The following ANKS1B variants were observed in gnomAD, a reference collection of about 807,000 sequenced individuals.
ANKS1B encodes the protein ankyrin repeat and sterile alpha motif domain-containing protein 1B.
In ANKS1B, 36 loss-of-function variants were observed where a neutral mutation model predicts 148.3. The ratio of observed to expected loss-of-function variants is 0.24; its 90% confidence interval spans 0.19 to 0.32. ANKS1B has a LOEUF of 0.32. Among genes scored for constraint, ANKS1B ranks in the 10% least tolerant of loss-of-function variants. ANKS1B has a pLI of 1.00. For synonymous variants in ANKS1B, 542 were observed against 560.8 expected (o/e 0.97, Z 0.47); for missense variants, 1,157 against 1,542.6 (o/e 0.75, Z 4.19).
At chr12:99,793,830 T>C (rs1332257768) in intron 4 of ANKS1B, among the ~76,000 whole-genome samples, 2 of 151,952 alleles carry the variant, frequency 1.3e-5, no homozygotes, top group South Asian at 2.1e-4. Context: ...TGGGATCATA[T>C]CAAGTTAAAA....
intron 9 of ANKS1B, among the ~76,000 whole-genome samples, chr12:99,618,294 C>G (rs537180571): frequency 1.3e-5 from 2 of 152,272 alleles, no homozygotes; most frequent in African/African-American, 4.8e-5. Flanking sequence ...TTATAGATGA[C>G]ATAACCAAAT....
At chr12:99,195,364 A>G (rs2081265700) in intron 14 of ANKS1B, among the ~76,000 whole-genome samples, 1 of 152,168 alleles carries the variant, frequency 6.6e-6, no homozygotes, top group Non-Finnish European at 1.5e-5. Flanking sequence ...TGGATTTCTA[A>G]TAACTGAATG....
chr12:99,891,515 C>T (rs761362417), intron 1 of ANKS1B, among the ~76,000 whole-genome samples: 38 of 152,166 alleles, frequency 2.5e-4, no homozygotes, highest in African/African-American at 7.9e-4. Context: ...CCACCATGCC[C>T]GGCCCTCGTT....
chr12:99,263,778 A>C (rs916669245), intron 12 of ANKS1B, among the ~76,000 whole-genome samples: 5 of 152,142 alleles, frequency 3.3e-5, no homozygotes. Context: ...CATGAAAGAC[A>C]TGCTTGCTTC....
At chr12:99,968,150 C>T (rs1405406680) in intron 1 of ANKS1B, among the ~76,000 whole-genome samples, 1 of 152,054 alleles carries the variant, frequency 6.6e-6, no homozygotes, top group African/African-American at 2.4e-5. Flanking sequence ...TGCCTGGTTC[C>T]CCAGTTTTCC....
chr12:99,514,935 C>T (rs1171166398), intron 9 of ANKS1B, among the ~76,000 whole-genome samples: 1 of 151,926 alleles, frequency 6.6e-6, no homozygotes, highest in South Asian at 2.1e-4. Flanking sequence ...TCAATTTTCT[C>T]CAGTCTAGCA....
At chr12:99,573,555 G>A (rs2097484536) in intron 9 of ANKS1B, among the ~76,000 whole-genome samples, 1 of 151,874 alleles carries the variant, frequency 6.6e-6, no homozygotes. Flanking sequence ...TCCTAACCAT[G>A]GCTAAATCTA....
In ANKS1B at chr12:99,845,325, C is replaced by A. The variant is rs998346428; in HGVS notation, c.135-19936G>T. 2.6e-5 allele frequency among the ~76,000 whole-genome samples: 4 copies of A among 152,112 alleles called. No homozygotes were observed. The East Asian group carries it at 7.7e-4, about 29-fold the overall frequency. The stretch of plus-strand genomic sequence containing the variant: ...TGCTGGTTTCCAAGGGGAATTCTTC[C>A]AGCTTTTGCTCACTCAGTATAATAT... On this transcript the variant is annotated intron_variant, in intron 1 of 26. Transcript: ENST00000683438.
intron 12 of ANKS1B, among the ~76,000 whole-genome samples, chr12:99,284,694 G>A (rs960064803): frequency 4.6e-5 from 7 of 152,064 alleles, no homozygotes; most frequent in Middle Eastern, 3.4e-3. Flanking sequence ...GGAATAATCC[G>A]ACTAAAATGT....
chr12:99,375,039 T>C (rs1307085524), intron 12 of ANKS1B, among the ~76,000 whole-genome samples: 3 of 152,240 alleles, frequency 2.0e-5, no homozygotes, highest in African/African-American at 7.2e-5. Context: ...TCAAGTCCAC[T>C]TGGAGTCTAT....
At chr12:99,160,072 A>G (rs1243035630) in intron 14 of ANKS1B, among the ~76,000 whole-genome samples, 1 of 151,926 alleles carries the variant, frequency 6.6e-6, no homozygotes, top group African/African-American at 2.4e-5. Context: ...TAATGTGGTT[A>G]TTTATTTTTA....
intron 1 of ANKS1B, among the ~76,000 whole-genome samples, chr12:99,952,487 T>C (rs1214668296): frequency 1.3e-5 from 2 of 152,236 alleles, no homozygotes; most frequent in Non-Finnish European, 2.9e-5. Flanking sequence ...GTTTTAAAAG[T>C]ACAATATCTT....
intron 10 of ANKS1B, among the ~76,000 whole-genome samples, chr12:99,470,156 AAAG>A (rs1455756898): frequency 1.3e-5 from 2 of 151,850 alleles, no homozygotes; most frequent in African/African-American, 2.4e-5. Flanking sequence ...TTCATGAAAA[AAAG>A]AAATATTAAT....
At chr12:99,609,002 C>T (rs1170105743) in intron 9 of ANKS1B, among the ~76,000 whole-genome samples, 1 of 151,818 alleles carries the variant, frequency 6.6e-6, no homozygotes, top group African/African-American at 2.4e-5. Flanking sequence ...TTAAGTTCAC[C>T]AAAAAGGCCA....
intron 8 of ANKS1B, among the ~76,000 whole-genome samples, chr12:99,680,839 C>T (rs552993373): frequency 2.5e-4 from 38 of 152,198 alleles, no homozygotes; most frequent in African/African-American, 9.2e-4. Flanking sequence ...GCCTTACTGG[C>T]TGCATGGGAG....
intron 12 of ANKS1B, among the ~76,000 whole-genome samples, chr12:99,372,816 T>C (rs1305628824): frequency 1.3e-5 from 2 of 152,160 alleles, no homozygotes; most frequent in African/African-American, 4.8e-5. Context: ...TTCAGGGCAC[T>C]ACAATTTCCT....
intron 14 of ANKS1B, among the ~76,000 whole-genome samples, chr12:99,156,699 C>T (rs560907241): frequency 3.5e-4 from 53 of 152,262 alleles, no homozygotes; most frequent in African/African-American, 1.3e-3. Flanking sequence ...ATCTTCTCTA[C>T]CACGAATAAA....
chr12:99,711,364 T>G (rs2056611180), intron 8 of ANKS1B, among the ~76,000 whole-genome samples: 1 of 152,138 alleles, frequency 6.6e-6, no homozygotes. Flanking sequence ...GTGGGTTTAT[T>G]GTACAGATTA....
chr12:98,742,630 C>G (rs942164368), downstream of ANKS1B, among the ~76,000 whole-genome samples: 6 of 152,196 alleles, frequency 3.9e-5, no homozygotes, highest in Non-Finnish European at 7.3e-5. Context: ...AGGGTTATTT[C>G]GACCACAAAA....
Sources: gnomAD v4.1 joint callset for allele counts (sites outside exome capture counted in the v4.1 genomes callset) on GRCh38, gnomAD v4.1.1 for gene constraint, MANE v1.5 for transcripts, NCBI Gene and HGNC (gene_info 2026-07-23, HGNC 2026-07-21) for gene names.